Variants in HCRTR2 observed in about 807,000 individuals in gnomAD.
The protein encoded by HCRTR2 is hypocretin receptor 2, also known as orexin receptor type 2.
Under a neutral mutation model 49.0 loss-of-function variants are expected in HCRTR2, and 22 were observed. The observed-to-expected ratio is 0.45, with a 90% CI of 0.32 to 0.64. The LOEUF (loss-of-function observed/expected upper bound fraction) is 0.64, where lower values mean the gene tolerates loss of function less well. Among genes scored for constraint, HCRTR2 ranks in the 30% least tolerant of loss-of-function variants. HCRTR2 has a pLI of 0.04. For synonymous variants in HCRTR2, 236 were observed against 205.3 expected (o/e 1.15, Z -1.28); for missense variants, 491 against 559.4 (o/e 0.88, Z 1.23).
chr6:55,237,308 A>G (rs556679040), intron 1 of HCRTR2, among the ~76,000 whole-genome samples: 1 of 152,308 alleles, frequency 6.6e-6, no homozygotes, highest in African/African-American at 2.4e-5. Context: ...TGCTTTGGCC[A>G]GCAGCTAGTG....
At chr6:55,274,352 A>AATATATATAATTAT (rs1562030332) in intron 4 of HCRTR2, among the ~76,000 whole-genome samples, 1 of 148,088 alleles carries the variant, frequency 6.8e-6, no homozygotes, top group Non-Finnish European at 1.5e-5. Context: ...TATTTTATGA[A>AATATATATAATTAT]ATGTATGCCT....
intron 1 of HCRTR2, among the ~76,000 whole-genome samples, chr6:55,109,124 G>A (rs551096396): frequency 5.9e-5 from 9 of 152,254 alleles, no homozygotes; most frequent in African/African-American, 1.9e-4. Flanking sequence ...GCTCCACTGG[G>A]TGGCTAGACA....
intron 1 of HCRTR2, among the ~76,000 whole-genome samples, chr6:55,109,039 C>T (rs1237786148): frequency 1.3e-5 from 2 of 152,060 alleles, no homozygotes; most frequent in African/African-American, 2.4e-5. Flanking sequence ...CTGGTATCCA[C>T]GGCTGAGGGA....
chr6:55,126,020 C>T (rs1450130878), intron 1 of HCRTR2, among the ~76,000 whole-genome samples: 1 of 151,984 alleles, frequency 6.6e-6, no homozygotes, highest in African/African-American at 2.4e-5. Context: ...TTACTCTAGC[C>T]TTTTTTCAAG....
At chr6:55,227,569 A>G (rs888134771) in intron 1 of HCRTR2, among the ~76,000 whole-genome samples, 5 of 152,232 alleles carry the variant, frequency 3.3e-5, no homozygotes, top group African/African-American at 4.8e-5. Flanking sequence ...TGTATTACAT[A>G]CAATCAAATA....
At chr6:55,140,188 A>G (rs1764488194) in intron 1 of HCRTR2, among the ~76,000 whole-genome samples, 1 of 152,202 alleles carries the variant, frequency 6.6e-6, no homozygotes, top group Admixed American at 6.5e-5. Flanking sequence ...AAAACCAACC[A>G]GATATCTCCC....
chr6:55,120,809 G>T (rs1057432064), intron 1 of HCRTR2, among the ~76,000 whole-genome samples: 1 of 151,896 alleles, frequency 6.6e-6, no homozygotes, highest in African/African-American at 2.4e-5. Flanking sequence ...AGTGGTGAGA[G>T]ATCTGTTCTG....
chr6:55,162,030 C>T (rs546664543), intron 1 of HCRTR2, among the ~76,000 whole-genome samples: 1 of 152,066 alleles, frequency 6.6e-6, no homozygotes, highest in South Asian at 2.1e-4. Context: ...GACATACACA[C>T]AAAAAAGAAA....
chr6:55,248,254 T>C (rs1766483291), intron 1 of HCRTR2, among the ~76,000 whole-genome samples: 1 of 152,144 alleles, frequency 6.6e-6, no homozygotes, highest in African/African-American at 2.4e-5. Flanking sequence ...AGGCAAACAC[T>C]ACAATTCAAT....
intron 4 of HCRTR2, among the ~76,000 whole-genome samples, chr6:55,277,056 A>G (rs1474998687): frequency 6.6e-6 from 1 of 152,172 alleles, no homozygotes; most frequent in East Asian, 1.9e-4. Flanking sequence ...ATAAGATAAT[A>G]TGGCTGACAT....
intron 5 of HCRTR2, among the ~76,000 whole-genome samples, chr6:55,279,968 A>G (rs1171167323): frequency 1.3e-5 from 2 of 152,164 alleles, no homozygotes; most frequent in Non-Finnish European, 2.9e-5. Context: ...TTTAAATGAT[A>G]CACATAATAG....
intron 1 of HCRTR2, among the ~76,000 whole-genome samples, chr6:55,116,375 A>AAT (rs1581779728): frequency 1.3e-5 from 2 of 151,620 alleles, no homozygotes; most frequent in Non-Finnish European, 3.0e-5. Flanking sequence ...TTAATTAGGG[A>AAT]ATATATATAT....
At chr6:55,168,623 T>C (rs1350880983) in intron 1 of HCRTR2, among the ~76,000 whole-genome samples, 2 of 152,162 alleles carry the variant, frequency 1.3e-5, no homozygotes, top group Non-Finnish European at 2.9e-5. Context: ...TGGAGTGCAG[T>C]GGCGTGACCA....
rs547531687 is a variant in HCRTR2 at position 55,122,788 on chromosome 6, TA to T, written c.-378+16249del. On this transcript the variant is annotated intron_variant, in intron 1 of 7. Transcript: ENST00000615358. ...TACACCATGGAATACTATGCAGCCA[TA>T]AAAAATGATGAGTTCATGTCCTTTG... Among the ~76,000 whole-genome samples, 63 of 152,034 alleles carry T rather than the reference TA, an allele frequency of 4.1e-4. 1 individual carries two copies. Among genetic ancestry groups the T allele is most frequent in the African/African-American group, 1.3e-3 (54 of 41,492 alleles).
At chr6:55,108,648 G>A (rs1466292787) in intron 1 of HCRTR2, among the ~76,000 whole-genome samples, 1 of 152,076 alleles carries the variant, frequency 6.6e-6, no homozygotes, top group Non-Finnish European at 1.5e-5. Flanking sequence ...AGCCCTGTAG[G>A]CACTTCTGGC....
In HCRTR2 at chr6:55,174,800, G is replaced by A. The variant is rs150493791; in HGVS notation, c.213G>A (p.Gly71=). The A allele has an allele frequency of 4.0e-5, 64 of 1,613,844 alleles. No homozygotes were observed. In the African/African-American group the frequency reaches 8.4e-4, roughly 21 times the overall value. Residue 71 remains glycine, a synonymous_variant, in exon 1 of 7, where the codon GGG becomes GGA. Transcript: ENST00000370862. ...TCGTGTTCGTCGTGGCTCTCATTGG[G>A]AACGTCCTGGGTGAGTCTCCTCCCG... ...YIIVFVVALI[G]NVLVCVAVWK...
intron 3 of HCRTR2, among the ~76,000 whole-genome samples, chr6:55,256,759 A>G (rs1393789063): frequency 2.0e-5 from 3 of 152,072 alleles, no homozygotes; most frequent in African/African-American, 4.8e-5. Context: ...CTTATGTCCC[A>G]TTCATTTAAT....
intron 1 of HCRTR2, among the ~76,000 whole-genome samples, chr6:55,157,323 A>G (rs1764744423): frequency 6.6e-6 from 1 of 152,252 alleles, no homozygotes; most frequent in Non-Finnish European, 1.5e-5. Context: ...CCAAGAATGT[A>G]CAAGTTTTAT....
chr6:55,144,827 G>A (rs1417769878), intron 1 of HCRTR2, among the ~76,000 whole-genome samples: 3 of 152,020 alleles, frequency 2.0e-5, no homozygotes, highest in African/African-American at 7.3e-5. Context: ...AAATCCTCTC[G>A]TCTAGACCAT....
Sources: allele counts gnomAD v4.1 joint callset (sites outside exome capture counted in the v4.1 genomes callset), GRCh38; gene constraint gnomAD v4.1.1; transcripts MANE v1.5; gene names NCBI Gene and HGNC (gene_info 2026-07-23, HGNC 2026-07-21).